Variants in DNAH5 observed in about 807,000 individuals in gnomAD.
The protein encoded by DNAH5 is dynein axonemal heavy chain 5.
In DNAH5, 372 loss-of-function variants were observed where a neutral mutation model predicts 518.2. That is an observed-to-expected ratio of 0.72 (90% CI 0.66 to 0.78). The LOEUF is 0.78. DNAH5 is among the 30% of genes least tolerant of loss of function. DNAH5 has a pLI of 0.00. For synonymous variants in DNAH5, 2,039 were observed against 2,025.9 expected, an observed-to-expected ratio of 1.01 and a Z score of -0.17; for missense variants, 5,523 against 5,687.0, an observed-to-expected ratio of 0.97 and a Z score of 0.93.
intron 1 of DNAH5, among the ~76,000 whole-genome samples, chr5:13,955,845 G>A (rs1029182252): frequency 3.3e-5 from 5 of 152,030 alleles, no homozygotes; most frequent in Non-Finnish European, 5.9e-5. Flanking sequence ...TTTAACTCTG[G>A]TAGAGATTAA....
intron 1 of DNAH5, among the ~76,000 whole-genome samples, chr5:13,971,324 T>A (rs1781851922): frequency 1.3e-5 from 2 of 152,226 alleles, no homozygotes; most frequent in Non-Finnish European, 2.9e-5. Flanking sequence ...GCTAATGTGA[T>A]CCTTTAGGGG....
At position 13,919,548 on chromosome 5, in the gene DNAH5, ATTGTT is replaced by A. The variant is rs568753799; in HGVS notation, c.799-201_799-197del. Reference sequence around the variant, plus strand: ...AAAACTTCAACGAAAATCTCTTTGAATTGTTTTAACTGAAAACAACTTATGCTTTC... The same window carrying A: ...AAAACTTCAACGAAAATCTCTTTGAATTAACTGAAAACAACTTATGCTTTC... On this transcript the variant is annotated intron_variant, in intron 6 of 78. Coordinates refer to ENST00000265104, the MANE Select transcript of DNAH5 (RefSeq NM_001369.3). 1.5e-4 allele frequency: 94 copies of A among 614,602 alleles called. No individual in the cohort carries two copies. In the East Asian group the frequency reaches 2.5e-3, roughly 16 times the overall value. The allele number at this position is 614,602 out of a possible 1,614,324, so 38.1% of individuals were successfully genotyped here.
At chr5:13,948,858 A>C (rs1227146277), upstream of DNAH5, among the ~76,000 whole-genome samples, 1 of 152,202 alleles carries the variant, frequency 6.6e-6, no homozygotes, top group Non-Finnish European at 1.5e-5. Flanking sequence ...AGGGAGGTGG[A>C]AACTGTGGTC....
intron 2 of DNAH5, among the ~76,000 whole-genome samples, chr5:13,930,233 C>A (rs1407018450): frequency 2.6e-5 from 4 of 152,060 alleles, no homozygotes; most frequent in Non-Finnish European, 5.9e-5. Context: ...TCGTACTGGC[C>A]CAGGATATCC....
chr5:13,835,125 A>T (rs144066175), intron 35 of DNAH5, among the ~76,000 whole-genome samples: 1 of 152,086 alleles, frequency 6.6e-6, no homozygotes, highest in Non-Finnish European at 1.5e-5. Flanking sequence ...CATCTACTAA[A>T]AATACAAAAA....
At chr5:13,886,910 T>C (rs1772519105) in intron 17 of DNAH5, among the ~76,000 whole-genome samples, 1 of 152,168 alleles carries the variant, frequency 6.6e-6, no homozygotes, top group Admixed American at 6.5e-5. Context: ...TAAATGCAAG[T>C]AAAATACTAA....
At chr5:13,862,170 G>C (rs1232251636) in intron 29 of DNAH5, among the ~76,000 whole-genome samples, 1 of 123,792 alleles carries the variant, frequency 8.1e-6, no homozygotes, top group Admixed American at 7.7e-5. Flanking sequence ...CTTGTCAGCA[G>C]CAAGCTGAAA....
chr5:13,819,268 G>A (rs530779761), intron 41 of DNAH5, among the ~76,000 whole-genome samples: 2 of 152,278 alleles, frequency 1.3e-5, no homozygotes, highest in African/African-American at 2.4e-5. Flanking sequence ...CACGTGATAA[G>A]TCCTGCAGGT....
rs28444200 is a variant in DNAH5 at position 13,816,539 on chromosome 5, T to C, written c.6988+1009A>G. On this transcript the variant is annotated intron_variant, in intron 42 of 78. Transcript: ENST00000265104. The stretch of plus-strand genomic sequence containing the variant: ...AAGAAAAAGCATATGTTGCCTTTTT[T>C]TAATGTGGAAAGGGGAAAAAAAAAA... Among the ~76,000 whole-genome samples the C allele has an allele frequency of 8.8e-3, 1,325 of 150,094 alleles. 19 individuals are homozygous for C. Among genetic ancestry groups the C allele is most frequent in the African/African-American group, 0.031 (1,253 of 40,518 alleles).
intron 1 of DNAH5, among the ~76,000 whole-genome samples, chr5:13,996,744 C>T (rs1031640599): frequency 4.6e-5 from 7 of 152,366 alleles, no homozygotes; most frequent in South Asian, 2.1e-4. Flanking sequence ...GCACAGCCCA[C>T]GGGGCAGCTC....
Position 13,753,246 on chromosome 5 carries a change from C to G in DNAH5, c.10859G>C (p.Arg3620Pro). The G allele has an allele frequency of 6.2e-7, 1 of 1,613,226 alleles. No homozygotes were observed. Among genetic ancestry groups the G allele is most frequent in the East Asian group, 2.2e-5 (1 of 44,832 alleles). ...AACACAAATTACCTGGAGTTCATTT[C>G]GGCTTTCTTTATTTTTAATCCAGAT... ...GKIWIKNKESRNELQITSLNH... is the reference protein window; with the variant it reads ...GKIWIKNKESPNELQITSLNH... Residue 3620 changes from arginine (R) to proline (P), a missense_variant, in exon 63 of 79, where the codon CGA (arginine) becomes CCA (proline). Arg to Pro is a moderately radical substitution (Grantham distance 103, BLOSUM62 -2). Transcript: ENST00000265104.
At chr5:13,768,881 CTTG>C in intron 58 of DNAH5, 76 bp downstream of exon 58, 8 of 1,491,680 alleles carry the variant, frequency 5.4e-6, no homozygotes, top group Non-Finnish European at 7.5e-6. Context: ...AGAGCATTTC[CTTG>C]CTGTTATTCA....
intron 1 of DNAH5, among the ~76,000 whole-genome samples, chr5:14,002,032 G>A (rs1221483333): frequency 2.0e-5 from 3 of 152,068 alleles, no homozygotes; most frequent in African/African-American, 7.2e-5. Context: ...CTGAGTAGCT[G>A]GGACTACAGG....
chr5:13,815,531 C>T (rs1391823734), intron 42 of DNAH5, among the ~76,000 whole-genome samples: 1 of 152,174 alleles, frequency 6.6e-6, no homozygotes, highest in Non-Finnish European at 1.5e-5. Context: ...AAGCCCTCCC[C>T]AGAACCCGAC....
At chr5:14,011,569 C>G (rs1234339911) in intron 1 of DNAH5, among the ~76,000 whole-genome samples, 1 of 152,174 alleles carries the variant, frequency 6.6e-6, no homozygotes, top group Non-Finnish European at 1.5e-5. Flanking sequence ...GCCAGGGAAC[C>G]CCGGGCCGCT....
Position 13,931,308 on chromosome 5 carries a change from T to C in DNAH5, c.58-64A>G, listed in dbSNP as rs990714943. The C allele has an allele frequency of 2.5e-6, 4 of 1,602,906 alleles. No individual in the cohort carries two copies. The African/African-American group carries it at 4.0e-5, about 16-fold the overall frequency. On this transcript the variant is annotated intron_variant, in intron 1 of 78. Transcript: ENST00000265104. Reference sequence around the variant, plus strand: ...GTTCTCAAGTGGATTCATTTTGTAATAATTTCATACAATTGTTGTTTTTTC... The same window carrying C: ...GTTCTCAAGTGGATTCATTTTGTAACAATTTCATACAATTGTTGTTTTTTC...
intron 50 of DNAH5, among the ~76,000 whole-genome samples, chr5:13,789,238 T>C (rs1430290940): frequency 1.3e-5 from 2 of 152,204 alleles, no homozygotes; most frequent in African/African-American, 4.8e-5. Context: ...TAATAAGACA[T>C]CTATATTCAT....
At chr5:13,778,592 AAGAAAGAGAG>A (rs1458205736) in intron 53 of DNAH5, among the ~76,000 whole-genome samples, 3 of 51,494 alleles carry the variant, frequency 5.8e-5, no homozygotes, top group African/African-American at 2.1e-4. Flanking sequence ...GAAAGAAAGA[AAGAAAGAGAG>A]AGAGAAAGAA....
Position 13,766,165 on chromosome 5 carries a change from C to A in DNAH5, c.9912G>T (p.Ser3304=), listed in dbSNP as rs188218914. 6.2e-7 allele frequency: 1 copy of A among 1,614,136 alleles called. No homozygotes were observed. The highest frequency in any genetic ancestry group is 2.2e-5 in the East Asian group (1 of 44,888). Residue 3304 remains serine (S), a synonymous_variant, in exon 59 of 79, where the codon TCG becomes TCT. Coordinates refer to ENST00000265104, the MANE Select transcript of DNAH5 (RefSeq NM_001369.3). The part of the protein sequence containing the change: ...AEAALQTIRP[S]DIATVRTLGR... ...CCAACGTGCGAACAGTGGCGATGTC[C>A]GAAGGCCTGATGGTCTGGGGGATGA... is the stretch of plus-strand genomic sequence containing the variant.
Sources: allele counts gnomAD v4.1 joint callset (sites outside exome capture counted in the v4.1 genomes callset), GRCh38; gene constraint gnomAD v4.1.1; transcripts MANE v1.5; gene names NCBI Gene and HGNC (gene_info 2026-07-23, HGNC 2026-07-21).